CRHR2: variants seen among roughly 807,000 people sequenced by gnomAD.
CRHR2 encodes corticotropin releasing hormone receptor 2, also known as corticotropin-releasing hormone receptor 2.
CRHR2 carries 53 observed loss-of-function variants against 57.9 expected under a neutral mutation model. That is an observed-to-expected ratio of 0.92 (90% CI 0.73 to 1.15). The LOEUF is 1.15. CRHR2 is among the 50% of genes most tolerant of loss of function. The pLI, the probability that CRHR2 is intolerant of heterozygous loss-of-function variation, is 0.00. For synonymous variants in CRHR2, 213 were observed against 220.9 expected (o/e 0.96, Z 0.32); for missense variants, 532 against 542.6 (o/e 0.98, Z 0.19).
chr7:30,680,615 T>G (rs1240767072), intron 2 of CRHR2, among the ~76,000 whole-genome samples: 1 of 152,100 alleles, frequency 6.6e-6, no homozygotes, highest in Non-Finnish European at 1.5e-5. Flanking sequence ...TCCTTCTGCT[T>G]GCACACCTCC....
chr7:30,674,809 T>G (rs1784465752), intron 2 of CRHR2, among the ~76,000 whole-genome samples: 1 of 152,120 alleles, frequency 6.6e-6, no homozygotes, highest in Non-Finnish European at 1.5e-5. Flanking sequence ...ATAGCCATTC[T>G]TGGTGTGAGC....
intron 1 of CRHR2, 23 bp from the exon 2 acceptor site, chr7:30,682,063 T>G (rs560418604): frequency 1.3e-6 from 2 of 1,566,820 alleles, no homozygotes; most frequent in Non-Finnish European, 1.7e-6. Flanking sequence ...GAGAGCGCAG[T>G]AGGGCTCAGA....
At position 30,656,229 on chromosome 7, in the gene CRHR2, C is replaced by T. The variant is rs1783784489; in HGVS notation, c.832-217G>A. The stretch of plus-strand genomic sequence containing the variant: ...CCCCATTTTCCAGGGCCTGTGTCTC[C>T]AGCCCAGGACTGAGGAGGAAAGGTG... On this transcript the variant is annotated intron_variant, in intron 8 of 11. Coordinates refer to ENST00000471646, the MANE Select transcript of CRHR2 (RefSeq NM_001883.5). The surrounding 1 kb of genome is among the most constrained non-coding windows in gnomAD (Gnocchi z 4.4). Among the ~76,000 whole-genome samples the T allele has an allele frequency of 6.6e-6, 1 of 152,114 alleles. No homozygotes were observed. Among genetic ancestry groups the T allele is most frequent in the African/African-American group, 2.4e-5 (1 of 41,422 alleles).
In CRHR2 at chr7:30,655,929, G is replaced by C; in HGVS notation, c.915C>G (p.Tyr305Ter). 6.2e-7 allele frequency: 1 copy of C among 1,613,592 alleles called. No homozygotes were observed. The highest frequency in any genetic ancestry group is 8.5e-7 in the Non-Finnish European group (1 of 1,179,670). The change falls in exon 9 of 12, where the codon TAC becomes TAG. Residue 305 changes from tyrosine (Y) to a stop codon, truncating the protein, a stop_gained and splice_region_variant. Transcript: ENST00000471646. LOFTEE classifies it high-confidence loss of function. ...RASTTSETIQ[Y>*]RKAVKATLVL... ...GGTCAAGGGACCCCCTCACATACCT[G>C]TACTGGATTGTCTCGGATGTGGTGG...
At chr7:30,697,623 G>T (rs1047381859) in intron 1 of CRHR2, among the ~76,000 whole-genome samples, 20 of 152,216 alleles carry the variant, frequency 1.3e-4, no homozygotes, top group Admixed American at 9.8e-4. Flanking sequence ...AAAAGCACCA[G>T]CTGGAACCCT....
intron 2 of CRHR2, chr7:30,688,678 A>G (rs1298082881): frequency 1.3e-5 from 5 of 398,080 alleles, no homozygotes; most frequent in Non-Finnish European, 2.0e-5. Flanking sequence ...GACACTGGAG[A>G]CATCTCTCTG....
At chr7:30,681,847 C>A in intron 2 of CRHR2, 68 bp downstream of exon 2, 1 of 1,539,946 alleles carries the variant, frequency 6.5e-7, no homozygotes, top group Non-Finnish European at 8.7e-7. Context: ...CCGGAATCCT[C>A]TTTACTCCCT....
chr7:30,692,110 C>G (rs1784972086), intron 1 of CRHR2, among the ~76,000 whole-genome samples: 1 of 152,164 alleles, frequency 6.6e-6, no homozygotes, highest in South Asian at 2.1e-4. Context: ...AATACAAATC[C>G]CACAGGATTT....
intron 2 of CRHR2, among the ~76,000 whole-genome samples, chr7:30,674,302 C>T (rs1784449017): frequency 6.6e-6 from 1 of 152,218 alleles, no homozygotes; most frequent in Non-Finnish European, 1.5e-5. Context: ...CTACCTCATG[C>T]TCCCGCCTCT....
intron 2 of CRHR2, among the ~76,000 whole-genome samples, chr7:30,673,532 C>T (rs1423060459): frequency 6.6e-6 from 1 of 152,160 alleles, no homozygotes; most frequent in Non-Finnish European, 1.5e-5. Flanking sequence ...TTCTTGCTTT[C>T]TGTGGGAAAA....
At chr7:30,663,612 C>T (rs1784090785) in intron 5 of CRHR2, among the ~76,000 whole-genome samples, 1 of 152,184 alleles carries the variant, frequency 6.6e-6, no homozygotes, top group African/African-American at 2.4e-5. Flanking sequence ...GCAAGGCCAC[C>T]CTTCCCCAGG....
At position 30,662,776 on chromosome 7, in the gene CRHR2, T is replaced by C. The variant is rs776385944; in HGVS notation, c.615A>G (p.Glu205=). Residue 205 remains glutamate (E), a synonymous_variant, in exon 6 of 12, where the codon GAA becomes GAG. Transcript: ENST00000471646. ...CAATGGCCGTGTGCAGGTAGCAGCC[T>C]TCCACAAACATCCAGAAGAAGTTGG... ...VVTNFFWMFV[E]GCYLHTAIVM... is the part of the protein sequence containing the mutation. 6.2e-6 allele frequency: 10 copies of C among 1,614,084 alleles called. No individual in the cohort carries two copies. Among genetic ancestry groups the C allele is most frequent in the African/African-American group, 2.7e-5 (2 of 74,926 alleles).
At chr7:30,662,324 C>T (rs773770989) in intron 6 of CRHR2, 108 bp from the exon 7 acceptor site, 42 of 1,292,146 alleles carry the variant, frequency 3.3e-5, no homozygotes, top group Non-Finnish European at 4.2e-5. Context: ...TTTACTCTTC[C>T]AACAGCAGGC....
At chr7:30,662,042 G>C in intron 7 of CRHR2, 114 bp downstream of exon 7, 1 of 1,108,834 alleles carries the variant, frequency 9.0e-7, no homozygotes, top group Non-Finnish European at 1.4e-6. Context: ...ACGTGGATCT[G>C]TCTAGGTGTG....
chr7:30,654,635 T>C, intron 11 of CRHR2: 1 of 1,512,428 alleles, frequency 6.6e-7, no homozygotes, highest in Non-Finnish European at 8.9e-7. Context: ...TGTGTGGGCT[T>C]TTCTGTGGCA....
At chr7:30,697,769 C>T (rs1785086740) in intron 1 of CRHR2, among the ~76,000 whole-genome samples, 1 of 152,234 alleles carries the variant, frequency 6.6e-6, no homozygotes, top group Non-Finnish European at 1.5e-5. Flanking sequence ...GCCTTACCCC[C>T]AACCTGCTCC....
intron 2 of CRHR2, among the ~76,000 whole-genome samples, chr7:30,674,306 C>T (rs1562802837): frequency 1.3e-5 from 2 of 152,212 alleles, no homozygotes; most frequent in South Asian, 2.1e-4. Flanking sequence ...CTCATGCTCC[C>T]GCCTCTACTG....
intron 2 of CRHR2, among the ~76,000 whole-genome samples, chr7:30,675,372 C>T (rs190856208): frequency 2.0e-5 from 3 of 152,218 alleles, no homozygotes; most frequent in Admixed American, 1.3e-4. Flanking sequence ...ACTTAAGGAG[C>T]AGGTGGGAGG....
intron 11 of CRHR2, 33 bp downstream of exon 11, chr7:30,654,990 GTCTGAGGACCTGGATA>G (rs1469616326): frequency 6.2e-7 from 1 of 1,601,160 alleles, no homozygotes; most frequent in African/African-American, 1.3e-5. Context: ...CTGGAGTGGG[GTCTGAGGACCTGGATA>G]TCCCAGGCCA....
Sources: gnomAD v4.1 joint callset for allele counts (sites outside exome capture counted in the v4.1 genomes callset) on GRCh38, gnomAD v4.1.1 for gene constraint, Gnocchi (gnomAD v3.1) non-coding constraint, MANE v1.5 for transcripts, NCBI Gene and HGNC (gene_info 2026-07-23, HGNC 2026-07-21) for gene names.